The following NLRP12 variants were observed in gnomAD, a reference collection of about 807,000 sequenced individuals.
NLRP12 encodes NACHT, LRR and PYD domains-containing protein 12.
Under a neutral mutation model 91.2 loss-of-function variants are expected in NLRP12, and 108 were observed. The observed-to-expected ratio is 1.18, with a 90% CI of 1.01 to 1.39. The LOEUF is 1.39. Among genes scored for constraint, NLRP12 ranks in the 40% most tolerant of loss-of-function variants. The pLI, the probability that NLRP12 is intolerant of heterozygous loss-of-function variation, is 0.00. For missense variants in NLRP12, 1,530 were observed against 1,352.7 expected, an observed-to-expected ratio of 1.13 and a Z score of -2.06; for synonymous variants, 613 against 566.7, an observed-to-expected ratio of 1.08 and a Z score of -1.16.
intron 1 of NLRP12, among the ~76,000 whole-genome samples, 179 bp from the exon 2 acceptor site, chr19:53,815,167 G>T (rs1402050915): frequency 6.7e-6 from 1 of 149,966 alleles, no homozygotes; most frequent in South Asian, 2.1e-4. Flanking sequence ...TCCTTGTAGC[G>T]CACCCTCCTC....
chr19:53,800,627 G>C (rs1300189260), intron 7 of NLRP12, among the ~76,000 whole-genome samples: 1 of 151,080 alleles, frequency 6.6e-6, no homozygotes, highest in Admixed American at 6.6e-5. Context: ...TTGTTGCCCA[G>C]ACTGGAGTGC....
At chr19:53,800,350 T>A (rs2091847297) in intron 7 of NLRP12, among the ~76,000 whole-genome samples, 1 of 152,024 alleles carries the variant, frequency 6.6e-6, no homozygotes, top group South Asian at 2.1e-4. Flanking sequence ...GCGCTTGCAG[T>A]CCCAGCTACT....
At chr19:53,799,169 C>T (rs1189161834) in intron 7 of NLRP12, among the ~76,000 whole-genome samples, 6 of 151,518 alleles carry the variant, frequency 4.0e-5, no homozygotes, top group Non-Finnish European at 5.9e-5. Flanking sequence ...CACACCACCA[C>T]GCCCAGCTAA....
Sources: gnomAD v4.1 joint callset for allele counts (sites outside exome capture counted in the v4.1 genomes callset) on GRCh38, gnomAD v4.1.1 for gene constraint, MANE v1.5 for transcripts, NCBI Gene and HGNC (gene_info 2026-07-23, HGNC 2026-07-21) for gene names.